Variants in ZNF638 observed in about 807,000 individuals in gnomAD.
The protein encoded by ZNF638 is CTCL tumor antigen se33-1.
ZNF638 carries 46 observed loss-of-function variants against 195.6 expected under a neutral mutation model. The ratio of observed to expected loss-of-function variants is 0.24; its 90% CI spans 0.19 to 0.30. ZNF638 has a LOEUF of 0.30. ZNF638 is among the 10% of genes least tolerant of loss of function. ZNF638 has a pLI of 1.00. For missense variants in ZNF638, 2,440 were observed against 2,325.3 expected (o/e 1.05, Z -1.01); for synonymous variants, 845 against 772.0 (o/e 1.09, Z -1.57).
chr2:71,356,865 T>G (rs1284962192), intron 3 of ZNF638, among the ~76,000 whole-genome samples: 1 of 152,146 alleles, frequency 6.6e-6, no homozygotes, highest in African/African-American at 2.4e-5. Context: ...GTGGTTCTAT[T>G]AATAAGTTTC....
chr2:71,400,137 T>TG lies in ZNF638; in HGVS notation c.2614dup (p.Glu872GlyfsTer6), dbSNP rs2079977902. ...AAAACTCTGAAATAAAGACCAGTAT[T>TG]GAAGTCAAAGCCACTGAAAACTGTG... On this transcript the variant is annotated frameshift_variant, in exon 14 of 28. Coordinates refer to ENST00000264447, the MANE Select transcript of ZNF638 (RefSeq NM_014497.5). LOFTEE classifies it high-confidence loss of function. The TG allele has an allele frequency of 6.2e-7, 1 of 1,609,410 alleles. No homozygotes were observed. Among genetic ancestry groups the TG allele is most frequent in the East Asian group, 2.2e-5 (1 of 44,760 alleles).
At chr2:71,408,350 T>TAAAAAG in intron 20 of ZNF638, 103 bp downstream of exon 20, 1 of 1,351,194 alleles carries the variant, frequency 7.4e-7, no homozygotes, top group Non-Finnish European at 9.9e-7. Flanking sequence ...TAGAGATGAT[T>TAAAAAG]TTTATAATTT....
At chr2:71,353,292 G>T (rs139921751) in intron 2 of ZNF638, among the ~76,000 whole-genome samples, 61 of 152,300 alleles carry the variant, frequency 4.0e-4, no homozygotes, top group African/African-American at 1.3e-3. Context: ...AACTTCCCTT[G>T]GTTTAGGAGC....
At chr2:71,359,241 T>G (rs1314387339) in intron 3 of ZNF638, among the ~76,000 whole-genome samples, 1 of 152,168 alleles carries the variant, frequency 6.6e-6, no homozygotes, top group Non-Finnish European at 1.5e-5. Context: ...TCTGGTAGTG[T>G]GGCTCAGTCC....
rs188318647 is a variant in ZNF638 at position 71,390,337 on chromosome 2, C to T, written c.2378-5804C>T. 3.1e-4 allele frequency among the ~76,000 whole-genome samples: 47 copies of T among 152,256 alleles called. No individual in the cohort carries two copies. The East Asian group carries it at 7.2e-3, about 23-fold the overall frequency. ...CAGGATTGGGCTTACTCTGCCCCAA[C>T]GAATTAGTGCTAAAAGGAGAAGACC... On this transcript the variant is annotated intron_variant, in intron 10 of 27. Transcript: ENST00000264447.
chr2:71,337,007 A>G (rs2078681913), intron 1 of ZNF638, among the ~76,000 whole-genome samples: 1 of 152,216 alleles, frequency 6.6e-6, no homozygotes, highest in African/African-American at 2.4e-5. Context: ...ATTGCATAAT[A>G]GGCTGACTAA....
chr2:71,339,393 C>T (rs778570649), intron 1 of ZNF638, among the ~76,000 whole-genome samples: 4 of 152,076 alleles, frequency 2.6e-5, no homozygotes, highest in Non-Finnish European at 5.9e-5. Flanking sequence ...CCTGGTGATC[C>T]GCCCTCCTCA....
At chr2:71,390,128 A>G (rs1157084347) in intron 10 of ZNF638, among the ~76,000 whole-genome samples, 2 of 152,314 alleles carry the variant, frequency 1.3e-5, no homozygotes, top group African/African-American at 4.8e-5. Flanking sequence ...GAAAGGGGAA[A>G]CGTTGGGCAA....
At position 71,395,494 on chromosome 2, in the gene ZNF638, G is replaced by A. The variant is rs937441345; in HGVS notation, c.2378-647G>A. 1.7e-5 allele frequency: 10 copies of A among 605,028 alleles called. No homozygotes were observed. The African/African-American group carries it at 1.7e-4, about 10-fold the overall frequency. The allele number at this position is 605,028 out of a possible 1,614,324, so 37.5% of individuals were successfully genotyped here. ...AAATTCTCTTACCCTGACGCTAAGG[G>A]CAAGAAGTAGGTAACAAAGGAGTGT... On this transcript the variant is annotated intron_variant, in intron 10 of 27. Transcript: ENST00000264447.
At chr2:71,389,394 T>C (rs1333314523) in intron 10 of ZNF638, among the ~76,000 whole-genome samples, 1 of 152,190 alleles carries the variant, frequency 6.6e-6, no homozygotes, top group Non-Finnish European at 1.5e-5. Context: ...CTAGTCCATT[T>C]ATGAAAGGAT....
intron 8 of ZNF638, chr2:71,375,244 G>T (rs1163011917): frequency 6.6e-6 from 1 of 152,122 alleles, no homozygotes; most frequent in South Asian, 2.1e-4. Flanking sequence ...ATTTCATTCA[G>T]TTTCAACTAA....
chr2:71,410,829 A>G (rs2080199606), intron 20 of ZNF638, among the ~76,000 whole-genome samples: 2 of 152,114 alleles, frequency 1.3e-5, no homozygotes, highest in South Asian at 2.1e-4. Flanking sequence ...CAGAAGAACC[A>G]GATCAAAGGC....
chr2:71,383,706 G>A (rs2079576586), intron 10 of ZNF638, among the ~76,000 whole-genome samples: 1 of 149,280 alleles, frequency 6.7e-6, no homozygotes, highest in East Asian at 1.9e-4. Flanking sequence ...CGAGTAGCTG[G>A]GATTACGGGT....
chr2:71,378,163 TA>T (rs1248254955), intron 8 of ZNF638, among the ~76,000 whole-genome samples: 9 of 152,188 alleles, frequency 5.9e-5, no homozygotes, highest in Non-Finnish European at 1.3e-4. Flanking sequence ...TTTTATAAAA[TA>T]AATTTCAAAA....
chr2:71,377,180 G>A (rs1434142479), intron 8 of ZNF638, among the ~76,000 whole-genome samples: 1 of 152,050 alleles, frequency 6.6e-6, no homozygotes, highest in Non-Finnish European at 1.5e-5. Flanking sequence ...TGGGAGGATC[G>A]CTTGAGCCTG....
chr2:71,426,377 C>T (rs2080539839), intron 23 of ZNF638, 83 bp from the exon 24 acceptor site: 1 of 987,794 alleles, frequency 1.0e-6, no homozygotes, highest in African/African-American at 1.6e-5. Flanking sequence ...AAATGATCTG[C>T]ATGCACATTT....
At chr2:71,344,796 A>G (rs1006635752) in intron 1 of ZNF638, among the ~76,000 whole-genome samples, 1 of 152,252 alleles carries the variant, frequency 6.6e-6, no homozygotes, top group Non-Finnish European at 1.5e-5. Context: ...ATGTAATTGC[A>G]AAAGGAAACT....
Position 71,349,925 on chromosome 2 carries a change from G to A in ZNF638, c.971G>A (p.Ser324Asn). ...AACCAAACAGTTAGCCAGACAATGA[G>A]TCAATCTCTGATTCCTCCATCTATG... ...SINQTVSQTM[S>N]QSLIPPSMNQ... The change falls in exon 2 of 28, where the codon AGT becomes AAT. Residue 324 changes from serine (S) to asparagine (N), a missense_variant. Ser to Asn is a conservative substitution (Grantham distance 46). This residue lies in a region of ZNF638 where 305 missense variants were observed against 283.6 expected (regional missense o/e 1.08). Coordinates refer to ENST00000264447, the MANE Select transcript of ZNF638 (RefSeq NM_014497.5). 1 of 1,614,192 alleles carries A rather than the reference G, an allele frequency of 6.2e-7. No homozygotes were observed. The highest frequency in any genetic ancestry group is 1.1e-5 in the South Asian group (1 of 91,086).
At chr2:71,358,998 A>G (rs1339787552) in intron 3 of ZNF638, among the ~76,000 whole-genome samples, 1 of 152,198 alleles carries the variant, frequency 6.6e-6, no homozygotes, top group African/African-American at 2.4e-5. Flanking sequence ...AAAACATGCT[A>G]TTGTACAGTT....
Sources: allele counts gnomAD v4.1 joint callset (sites outside exome capture counted in the v4.1 genomes callset), GRCh38; gene constraint gnomAD v4.1.1; regional missense constraint gnomAD v4.1.1; transcripts MANE v1.5; gene names NCBI Gene and HGNC (gene_info 2026-07-23, HGNC 2026-07-21).